VPS13B: variants seen among roughly 807,000 people sequenced by gnomAD.
The protein encoded by VPS13B is intermembrane lipid transfer protein VPS13B.
In VPS13B, 285 loss-of-function variants were observed where a neutral mutation model predicts 426.4. That is an observed-to-expected ratio of 0.67 (90% CI 0.61 to 0.74). VPS13B has a LOEUF of 0.74. VPS13B is among the 30% of genes least tolerant of loss of function. The pLI is 0.00. For synonymous variants in VPS13B, 1,676 were observed against 1,676.4 expected (o/e 1.00, Z 0.01); for missense variants, 4,537 against 4,782.6 (o/e 0.95, Z 1.51).
Position 99,237,628 on chromosome 8 carries a change from A to T in VPS13B, c.2516-36570A>T, listed in dbSNP as rs568863275. Among the ~76,000 whole-genome samples the T allele has an allele frequency of 2.0e-5, 3 of 152,294 alleles. No individual in the cohort carries two copies. In the South Asian group the frequency reaches 6.2e-4, roughly 32 times the overall value. The stretch of plus-strand genomic sequence containing the variant: ...TTGGATAATAGGCTATACCACAGGG[A>T]TATAGAATTAATTGAGGAGGTGATG... On this transcript the variant is annotated intron_variant, in intron 17 of 61. Transcript: ENST00000357162.
At chr8:99,675,041 CT>C (rs1319667355) in intron 35 of VPS13B, among the ~76,000 whole-genome samples, 4 of 151,590 alleles carry the variant, frequency 2.6e-5, no homozygotes, top group African/African-American at 9.7e-5. Context: ...GAGTTTTATA[CT>C]TTCAGATGTT....
In VPS13B at chr8:99,835,758, C is replaced by T. The variant is rs1490242319; in HGVS notation, c.9942+20C>T. On this transcript the variant is annotated intron_variant, in intron 54 of 61. Coordinates refer to ENST00000357162, the MANE Select transcript of VPS13B (RefSeq NM_152564.5). ...ACACAGGTCAGTGAGCCATGTGTTC[C>T]TGCCAAGACCCAAAGAAAAATGCCC... 6.2e-6 allele frequency: 10 copies of T among 1,613,534 alleles called. No homozygotes were observed. The highest frequency in any genetic ancestry group is 8.5e-6 in the Non-Finnish European group (10 of 1,179,662).
Position 99,013,898 on chromosome 8 carries a change from T to G in VPS13B, c.110T>G (p.Leu37Arg). The G allele has an allele frequency of 6.2e-7, 1 of 1,614,180 alleles. No individual in the cohort carries two copies. The change falls in exon 2 of 62, where the codon CTC (leucine) becomes CGC (arginine). Residue 37 changes from leucine to arginine, a missense_variant. By Grantham distance (102) the Leu-to-Arg change is moderately radical (BLOSUM62 -2). Transcript: ENST00000357162. ...QLSLWGGDVV[L>R]SKLELKLDVL... ...TCACTATGGGGTGGAGACGTGGTAC[T>G]CAGCAAGCTCGAGTTAAAGTTGGAT...
chr8:99,784,227 G>T, intron 42 of VPS13B, 88 bp from the exon 43 acceptor site: 1 of 1,550,204 alleles, frequency 6.5e-7, no homozygotes, highest in Middle Eastern at 1.9e-4. Context: ...GGGTTTCTGT[G>T]TTGTAACAAT....
intron 17 of VPS13B, among the ~76,000 whole-genome samples, chr8:99,205,858 A>G (rs1373297472): frequency 1.3e-5 from 2 of 152,210 alleles, no homozygotes; most frequent in Non-Finnish European, 2.9e-5. Context: ...TTATGTCTGC[A>G]ATACCAAACT....
At chr8:99,316,314 G>A (rs1809655679) in intron 19 of VPS13B, among the ~76,000 whole-genome samples, 1 of 152,244 alleles carries the variant, frequency 6.6e-6, no homozygotes, top group African/African-American at 2.4e-5. Flanking sequence ...GGCAGGGAAT[G>A]TCAGTGGGAA....
rs763463335 is a variant in VPS13B, at chr8:99,384,166, T to C, written c.2825-42T>C. 9 of 1,507,348 alleles carry C rather than the reference T, an allele frequency of 6.0e-6. No homozygotes were observed. The African/African-American group carries it at 1.1e-4, about 18-fold the overall frequency. 93.4% of individuals were successfully genotyped at this position (1,507,348 alleles called of 1,614,324 possible). A position where few individuals can be genotyped will look rare whatever the true frequency, so the allele number is the denominator to read the frequency against. On this transcript the variant is annotated intron_variant, in intron 19 of 61. Transcript: ENST00000357162. ...AAAGTGACAAATAGCTTATTGTTTT[T>C]TATGAGGACTTATGTAACAGTTTAA...
intron 17 of VPS13B, among the ~76,000 whole-genome samples, chr8:99,220,449 A>G (rs1425269850): frequency 1.3e-5 from 2 of 152,230 alleles, no homozygotes; most frequent in African/African-American, 4.8e-5. Flanking sequence ...TGGAAGAAGG[A>G]ATGAAAACTG....
chr8:99,459,010 A>G (rs1162893063), intron 23 of VPS13B, among the ~76,000 whole-genome samples: 1 of 152,110 alleles, frequency 6.6e-6, no homozygotes, highest in Non-Finnish European at 1.5e-5. Flanking sequence ...CATGTCCTGA[A>G]TGGTATTGCC....
chr8:99,522,341 G>T (rs1822414821), intron 30 of VPS13B, among the ~76,000 whole-genome samples: 1 of 152,126 alleles, frequency 6.6e-6, no homozygotes, highest in South Asian at 2.1e-4. Flanking sequence ...TATATTAAGA[G>T]ATCCTATCAC....
chr8:99,122,292 C>T (rs898966778), intron 8 of VPS13B, among the ~76,000 whole-genome samples: 5 of 151,648 alleles, frequency 3.3e-5, no homozygotes, highest in Admixed American at 1.3e-4. Flanking sequence ...CATAACTTGA[C>T]GACTTCCTCC....
chr8:99,859,544 A>C (rs541874882), intron 57 of VPS13B, 64 bp downstream of exon 57: 1 of 1,576,458 alleles, frequency 6.3e-7, no homozygotes, highest in East Asian at 2.3e-5. Flanking sequence ...TTTTTAAAGA[A>C]TGTGCTAAAG....
intron 23 of VPS13B, among the ~76,000 whole-genome samples, chr8:99,455,349 C>T (rs1421927311): frequency 6.6e-6 from 1 of 152,118 alleles, no homozygotes; most frequent in East Asian, 1.9e-4. Context: ...GCAGGCTGTA[C>T]AGGAAGCGTG....
At chr8:99,541,652 G>A (rs933019681) in intron 30 of VPS13B, among the ~76,000 whole-genome samples, 11 of 152,186 alleles carry the variant, frequency 7.2e-5, no homozygotes, top group East Asian at 1.9e-4. Context: ...CATTCATGCC[G>A]AAAGTAAATA....
At chr8:99,274,797 A>T (rs565911191) in intron 18 of VPS13B, among the ~76,000 whole-genome samples, 1 of 152,196 alleles carries the variant, frequency 6.6e-6, no homozygotes, top group East Asian at 1.9e-4. Context: ...ATTTAAGGTA[A>T]GTTTATAAAA....
chr8:99,447,967 A>G (rs939059438), intron 23 of VPS13B, among the ~76,000 whole-genome samples: 1 of 151,694 alleles, frequency 6.6e-6, no homozygotes, highest in Non-Finnish European at 1.5e-5. Context: ...TTATTTCTAC[A>G]AAACTCCTGC....
rs184382003 is a variant in VPS13B, at chr8:99,648,185, T to C, written c.5908+5687T>C. 4.2e-3 allele frequency among the ~76,000 whole-genome samples: 633 copies of C among 152,358 alleles called. 2 individuals are homozygous for C. Among genetic ancestry groups the C allele is most frequent in the Non-Finnish European group, 6.6e-3 (446 of 68,030 alleles). On this transcript the variant is annotated intron_variant, in intron 34 of 61. Transcript: ENST00000357162. Reference sequence around the variant, plus strand: ...GCTGTTTATCAGACATGGGCAAGACTCTGAGAAACCAGTAATAAGACTCAG... The same window carrying C: ...GCTGTTTATCAGACATGGGCAAGACCCTGAGAAACCAGTAATAAGACTCAG...
At chr8:99,340,627 G>T in intron 19 of VPS13B, 1 of 423,306 alleles carries the variant, frequency 2.4e-6, no homozygotes, top group South Asian at 2.0e-5. Context: ...TCCCTTCAAA[G>T]CCAGTAAATG....
chr8:99,783,319 C>T (rs1812109073), intron 42 of VPS13B, among the ~76,000 whole-genome samples: 1 of 152,156 alleles, frequency 6.6e-6, no homozygotes, highest in South Asian at 2.1e-4. Flanking sequence ...GAAATAGAGG[C>T]CAACTGGAGA....
Sources: gnomAD v4.1 joint callset for allele counts (sites outside exome capture counted in the v4.1 genomes callset) on GRCh38, gnomAD v4.1.1 for gene constraint, MANE v1.5 for transcripts, NCBI Gene and HGNC (gene_info 2026-07-23, HGNC 2026-07-21) for gene names.